The following L3MBTL3 variants were observed in gnomAD, a reference collection of about 807,000 sequenced individuals.
The protein encoded by L3MBTL3 is lethal(3)malignant brain tumor-like protein 3.
A neutral mutation model predicts 102.3 loss-of-function variants in L3MBTL3; 27 were observed. That is an observed-to-expected ratio of 0.26 (90% confidence interval 0.19 to 0.36). The LOEUF (loss-of-function observed/expected upper bound fraction) is 0.36. L3MBTL3 is among the 10% of genes least tolerant of loss of function. The probability of loss-of-function intolerance (pLI) is 1.00; values close to 1 mark genes in which losing one functional copy is unlikely to be tolerated. For synonymous variants in L3MBTL3, 340 were observed against 320.9 expected, an observed-to-expected ratio of 1.06 and a Z score of -0.64; for missense variants, 798 against 955.3, an observed-to-expected ratio of 0.84 and a Z score of 2.17.
At chr6:130,035,787 T>C (rs570845334) in intron 2 of L3MBTL3, among the ~76,000 whole-genome samples, 1 of 152,196 alleles carries the variant, frequency 6.6e-6, no homozygotes, top group African/African-American at 2.4e-5. Flanking sequence ...TGGAGACCAA[T>C]AGAAGTTAGA....
chr6:130,041,415 GAA>G (rs1407376698), intron 2 of L3MBTL3, among the ~76,000 whole-genome samples: 1 of 152,126 alleles, frequency 6.6e-6, no homozygotes, highest in East Asian at 1.9e-4. Flanking sequence ...TTTCTAAGGG[GAA>G]ACTTTATCTG....
intron 3 of L3MBTL3, among the ~76,000 whole-genome samples, chr6:130,045,938 C>G (rs1017188677): frequency 4.6e-5 from 7 of 152,198 alleles, no homozygotes; most frequent in Non-Finnish European, 1.0e-4. Context: ...CCTAAGCAAG[C>G]TTTGGAAACT....
intron 16 of L3MBTL3, 58 bp downstream of exon 16, chr6:130,086,308 A>G: frequency 8.6e-7 from 1 of 1,165,296 alleles, no homozygotes. Flanking sequence ...TTTTAGATAA[A>G]AACTTTGGTA....
rs1399580800 is a variant in L3MBTL3 at position 130,060,106 on chromosome 6, A to T, written c.830A>T (p.His277Leu). ...AAATTAGAAGGCGTGGATCCTGAGC[A>T]TCAGTCTGTGTACTGTGTCCTCACC... ...GMKLEGVDPEHQSVYCVLTVA... is the reference protein window; with the variant it reads ...GMKLEGVDPELQSVYCVLTVA... Residue 277 changes from histidine (H) to leucine (L), a missense_variant, in exon 10 of 23, where the codon CAT becomes CTT. This residue lies in a region of L3MBTL3 where 434 missense variants were observed against 506.6 expected (regional missense o/e 0.86). Coordinates refer to ENST00000361794, the MANE Select transcript of L3MBTL3 (RefSeq NM_032438.4). The T allele has an allele frequency of 6.2e-7, 1 of 1,612,982 alleles. No homozygotes were observed. The highest frequency in any genetic ancestry group is 1.1e-5 in the South Asian group (1 of 91,038).
intron 3 of L3MBTL3, among the ~76,000 whole-genome samples, chr6:130,043,680 G>A (rs1372089460): frequency 6.6e-6 from 1 of 152,178 alleles, no homozygotes; most frequent in Non-Finnish European, 1.5e-5. Flanking sequence ...ATTCTAGGCT[G>A]TCTTGAATAG....
chr6:130,129,732 G>A (rs1376324545), intron 20 of L3MBTL3, among the ~76,000 whole-genome samples: 1 of 152,128 alleles, frequency 6.6e-6, no homozygotes, highest in Non-Finnish European at 1.5e-5. Context: ...AGGGTCCCAG[G>A]CAAAGGGAGG....
chr6:130,083,744 CATTT>C, intron 15 of L3MBTL3, 39 bp downstream of exon 15: 1 of 1,028,430 alleles, frequency 9.7e-7, no homozygotes, highest in Non-Finnish European at 1.5e-6. Context: ...TGGATGAGAT[CATTT>C]ATTTATTGAA....
At position 130,052,864 on chromosome 6, in the gene L3MBTL3, A is replaced by G; in HGVS notation, c.455A>G (p.Gln152Arg). 6.2e-7 allele frequency: 1 copy of G among 1,613,550 alleles called. No homozygotes were observed. The highest frequency in any genetic ancestry group is 2.2e-5 in the East Asian group (1 of 44,876). ...NCARHIKDKD[Q>R]KEERDVEEDN... ...TGGGTTTATAAACACAACAGAGATCAGAAGGAAGAAAGGGACGTAGAAGAA... is the reference window on the plus strand; with the variant it reads ...TGGGTTTATAAACACAACAGAGATCGGAAGGAAGAAAGGGACGTAGAAGAA... The change falls in exon 7 of 23, where the codon CAG (glutamine) becomes CGG (arginine). Residue 152 changes from glutamine (Q) to arginine (R), a missense_variant. Physicochemically the swap from Gln to Arg is conservative, Grantham distance 43 (BLOSUM62 1). This residue lies in a region of L3MBTL3 where 434 missense variants were observed against 506.6 expected (regional missense o/e 0.86). Coordinates refer to ENST00000361794, the MANE Select transcript of L3MBTL3 (RefSeq NM_032438.4).
chr6:130,100,656 A>T (rs1399956862), intron 18 of L3MBTL3, among the ~76,000 whole-genome samples: 1 of 152,170 alleles, frequency 6.6e-6, no homozygotes, highest in Non-Finnish European at 1.5e-5. Flanking sequence ...CAAAAAAAAA[A>T]AAAAAGATAT....
Position 130,042,749 on chromosome 6 carries a change from G to C in L3MBTL3, c.50G>C (p.Ser17Thr). Reference sequence around the variant, plus strand: ...AGTGGTCAAGAGTTTGATGTGTTCAGTGTTATGGACTGGAAAGATGGAGTG... The same window carrying C: ...AGTGGTCAAGAGTTTGATGTGTTCACTGTTATGGACTGGAAAGATGGAGTG... ...STSGQEFDVF[S>T]VMDWKDGVGT... Residue 17 changes from serine to threonine, a missense_variant, in exon 3 of 23, where the codon AGT becomes ACT. This residue lies in a region of L3MBTL3 where 434 missense variants were observed against 506.6 expected (regional missense o/e 0.86). Coordinates refer to ENST00000361794, the MANE Select transcript of L3MBTL3 (RefSeq NM_032438.4). 1 of 1,613,822 alleles carries C rather than the reference G, an allele frequency of 6.2e-7. No individual in the cohort carries two copies. The highest frequency in any genetic ancestry group is 8.5e-7 in the Non-Finnish European group (1 of 1,179,780).
intron 2 of L3MBTL3, among the ~76,000 whole-genome samples, chr6:130,035,208 C>G (rs1281771843): frequency 6.6e-6 from 1 of 152,108 alleles, no homozygotes; most frequent in African/African-American, 2.4e-5. Context: ...AGAAAGAAGG[C>G]TCACCACCAT....
chr6:130,070,952 A>G lies in L3MBTL3; in HGVS notation c.1093-24A>G, dbSNP rs372969906. On this transcript the variant is annotated intron_variant, in intron 12 of 22. Coordinates refer to ENST00000361794, the MANE Select transcript of L3MBTL3 (RefSeq NM_032438.4). ...GGTTGTCAAGTGTGTGCTTATCTCTAATTAAATCTGTGTGTTTCCATAGAC... is the reference window on the plus strand; with the variant it reads ...GGTTGTCAAGTGTGTGCTTATCTCTGATTAAATCTGTGTGTTTCCATAGAC... 3.1e-6 allele frequency: 5 copies of G among 1,607,286 alleles called. No homozygotes were observed. The Admixed American group carries it at 5.0e-5, about 16-fold the overall frequency.
At chr6:130,082,694 A>G (rs891684234) in intron 14 of L3MBTL3, among the ~76,000 whole-genome samples, 4 of 152,188 alleles carry the variant, frequency 2.6e-5, no homozygotes, top group African/African-American at 9.7e-5. Flanking sequence ...GTAGAGAATG[A>G]TATTTAGAAA....
chr6:130,114,706 T>C (rs944542075), intron 19 of L3MBTL3, among the ~76,000 whole-genome samples: 2 of 152,230 alleles, frequency 1.3e-5, no homozygotes, highest in South Asian at 4.1e-4. Context: ...TGTTTACCTC[T>C]CCTGGGTGAT....
chr6:130,085,211 A>C (rs775942631), intron 15 of L3MBTL3, among the ~76,000 whole-genome samples: 10 of 152,190 alleles, frequency 6.6e-5, no homozygotes, highest in Non-Finnish European at 1.3e-4. Context: ...CATTATGCCA[A>C]ACAATCACCT....
intron 22 of L3MBTL3, among the ~76,000 whole-genome samples, chr6:130,136,258 G>T (rs1054863849): frequency 6.6e-6 from 1 of 152,140 alleles, no homozygotes; most frequent in Non-Finnish European, 1.5e-5. Flanking sequence ...CTCTGTTCAG[G>T]TCCTTCCAAT....
At chr6:130,061,655 T>C (rs539890873) in intron 10 of L3MBTL3, among the ~76,000 whole-genome samples, 28 of 152,304 alleles carry the variant, frequency 1.8e-4, no homozygotes, top group African/African-American at 6.5e-4. Context: ...CTCAAGTTTT[T>C]GTTAGACCCT....
intron 14 of L3MBTL3, among the ~76,000 whole-genome samples, chr6:130,081,965 T>C (rs1160632731): frequency 6.6e-6 from 1 of 152,178 alleles, no homozygotes; most frequent in African/African-American, 2.4e-5. Flanking sequence ...ATCTGTCATT[T>C]TGTAGATTGT....
Position 130,113,365 on chromosome 6 carries a change from T to C in L3MBTL3, c.1887-7514T>C, listed in dbSNP as rs146197601. On this transcript the variant is annotated intron_variant, in intron 19 of 22. Transcript: ENST00000361794. ...AAAACACCCTTTTCAGGGGTAATACTTCACAATGTGTTATTAGTTGGGAAA... is the reference window on the plus strand; with the variant it reads ...AAAACACCCTTTTCAGGGGTAATACCTCACAATGTGTTATTAGTTGGGAAA... Among the ~76,000 whole-genome samples, 7 of 152,332 alleles carry C rather than the reference T, an allele frequency of 4.6e-5. No individual in the cohort carries two copies. The East Asian group carries it at 1.3e-3, about 29-fold the overall frequency.
Sources: allele counts gnomAD v4.1 joint callset (sites outside exome capture counted in the v4.1 genomes callset), GRCh38; gene constraint gnomAD v4.1.1; regional missense constraint gnomAD v4.1.1; transcripts MANE v1.5; gene names NCBI Gene and HGNC (gene_info 2026-07-23, HGNC 2026-07-21).